Variants in EXOC4 observed in about 807,000 individuals in gnomAD.
EXOC4 encodes the protein SEC8-like 1.
In EXOC4, 71 loss-of-function variants were observed where a neutral mutation model predicts 107.2. The observed-to-expected ratio is 0.66, with a 90% CI of 0.55 to 0.81. The LOEUF (loss-of-function observed/expected upper bound fraction) is 0.81, where lower values mean the gene tolerates loss of function less well. Among genes scored for constraint, EXOC4 ranks in the 30% least tolerant of loss-of-function variants. The pLI, the probability that EXOC4 is intolerant of heterozygous loss-of-function variation, is 0.00. For synonymous variants in EXOC4, 456 were observed against 441.2 expected (o/e 1.03, Z -0.42); for missense variants, 1,108 against 1,189.6 (o/e 0.93, Z 1.01).
At chr7:133,256,180 A>AT (rs1795014322) in intron 1 of EXOC4, among the ~76,000 whole-genome samples, 1 of 151,952 alleles carries the variant, frequency 6.6e-6, no homozygotes, top group Non-Finnish European at 1.5e-5. Context: ...GCAGGGTTTC[A>AT]CCATGTTAGC....
chr7:133,836,639 T>C (rs574542066), intron 11 of EXOC4, among the ~76,000 whole-genome samples: 1 of 152,194 alleles, frequency 6.6e-6, no homozygotes, highest in Non-Finnish European at 1.5e-5. Context: ...TAACGCACAT[T>C]TCTCTCCTAA....
intron 14 of EXOC4, among the ~76,000 whole-genome samples, chr7:133,988,356 G>A (rs1410322887): frequency 1.3e-5 from 2 of 152,140 alleles, no homozygotes; most frequent in Admixed American, 6.5e-5. Context: ...GTTGTAAATG[G>A]CAAGTTGCTC....
intron 7 of EXOC4, among the ~76,000 whole-genome samples, chr7:133,387,519 A>G (rs1176771057): frequency 6.6e-6 from 1 of 152,162 alleles, no homozygotes. Context: ...TGACAAATGC[A>G]TTATTTCATC....
chr7:134,012,170 G>A (rs1328399509), intron 17 of EXOC4, among the ~76,000 whole-genome samples: 1 of 152,134 alleles, frequency 6.6e-6, no homozygotes, highest in Non-Finnish European at 1.5e-5. Context: ...CTATTAGAAG[G>A]TTTGGAGCAG....
Position 133,508,042 on chromosome 7 carries a change from CAA to C in EXOC4, c.1417+27905_1417+27906del, listed in dbSNP as rs558163001. ...GCCATTGCACTCTCAGCCTGGGCAA[CAA>C]GAGCAAAACTCCGTCTCAAAAAAAA... is the stretch of plus-strand genomic sequence containing the variant. On this transcript the variant is annotated intron_variant, in intron 9 of 17. Coordinates refer to ENST00000253861, the MANE Select transcript of EXOC4 (RefSeq NM_021807.4). 9.8e-4 allele frequency among the ~76,000 whole-genome samples: 148 copies of C among 151,422 alleles called. 1 individual carries two copies. The highest frequency in any genetic ancestry group is 2.1e-3 in the East Asian group (11 of 5,148).
chr7:133,882,492 A>G (rs1419482626), intron 11 of EXOC4, among the ~76,000 whole-genome samples: 1 of 152,192 alleles, frequency 6.6e-6, no homozygotes, highest in Non-Finnish European at 1.5e-5. Context: ...CTGGAATCTC[A>G]CAGACCACTG....
chr7:133,534,243 G>A (rs1217165328), intron 9 of EXOC4, among the ~76,000 whole-genome samples: 4 of 152,126 alleles, frequency 2.6e-5, no homozygotes, highest in African/African-American at 9.7e-5. Context: ...CATTTTAAAT[G>A]ATGTCACATT....
At chr7:133,545,778 T>G (rs1800468275) in intron 9 of EXOC4, among the ~76,000 whole-genome samples, 1 of 152,210 alleles carries the variant, frequency 6.6e-6, no homozygotes, top group Non-Finnish European at 1.5e-5. Context: ...GGTGCTAGTT[T>G]GACCCTATAT....
intron 10 of EXOC4, among the ~76,000 whole-genome samples, chr7:133,737,285 G>A (rs976017137): frequency 1.3e-5 from 2 of 152,066 alleles, no homozygotes; most frequent in Non-Finnish European, 2.9e-5. Context: ...GAAATTCTAG[G>A]CACTTGGTAA....
intron 10 of EXOC4, among the ~76,000 whole-genome samples, chr7:133,804,191 AAAG>A (rs1797016458): frequency 3.3e-5 from 5 of 152,194 alleles, no homozygotes; most frequent in African/African-American, 1.2e-4. Flanking sequence ...CTGTTCAGGC[AAAG>A]TGTAGATGTG....
At chr7:133,570,647 A>G (rs1801004283) in intron 9 of EXOC4, among the ~76,000 whole-genome samples, 1 of 152,208 alleles carries the variant, frequency 6.6e-6, no homozygotes, top group South Asian at 2.1e-4. Flanking sequence ...ACTGAAATAC[A>G]TAGAAGTTAA....
At chr7:133,797,486 A>G (rs1784313383) in intron 10 of EXOC4, among the ~76,000 whole-genome samples, 1 of 152,208 alleles carries the variant, frequency 6.6e-6, no homozygotes, top group African/African-American at 2.4e-5. Context: ...GCAGTGCTAC[A>G]TAACTACTTT....
At chr7:134,062,314 G>A (rs1796082529) in intron 17 of EXOC4, among the ~76,000 whole-genome samples, 1 of 152,200 alleles carries the variant, frequency 6.6e-6, no homozygotes, top group African/African-American at 2.4e-5. Flanking sequence ...AGCTAACCGT[G>A]TGAAAAGACA....
At chr7:133,861,519 A>G (rs1798532597) in intron 11 of EXOC4, among the ~76,000 whole-genome samples, 1 of 151,838 alleles carries the variant, frequency 6.6e-6, no homozygotes, top group Admixed American at 6.6e-5. Flanking sequence ...TCAGGAATCC[A>G]CTGTTTTTTT....
intron 11 of EXOC4, among the ~76,000 whole-genome samples, chr7:133,857,482 ATG>A (rs1225351526): frequency 1.3e-5 from 1 of 74,228 alleles, no homozygotes; most frequent in Non-Finnish European, 2.6e-5. Context: ...AGTTTCACTC[ATG>A]CCCGTTGGGC....
chr7:134,030,394 G>A (rs1186365244), intron 17 of EXOC4, among the ~76,000 whole-genome samples: 1 of 152,184 alleles, frequency 6.6e-6, no homozygotes, highest in African/African-American at 2.4e-5. Flanking sequence ...ATATTATGTG[G>A]CCATAGTGGA....
At chr7:133,778,651 TC>T (rs1405839937) in intron 10 of EXOC4, among the ~76,000 whole-genome samples, 1 of 152,210 alleles carries the variant, frequency 6.6e-6, no homozygotes, top group Non-Finnish European at 1.5e-5. Flanking sequence ...ACTGACTGTA[TC>T]CCACGATTAC....
intron 7 of EXOC4, among the ~76,000 whole-genome samples, chr7:133,464,905 G>A (rs769799143): frequency 8.8e-5 from 12 of 136,634 alleles, no homozygotes; most frequent in Non-Finnish European, 1.2e-4. Flanking sequence ...CTGTAGTCTC[G>A]AACTCCTGGG....
chr7:133,713,741 C>G (rs538566418), intron 10 of EXOC4, among the ~76,000 whole-genome samples: 1 of 152,160 alleles, frequency 6.6e-6, no homozygotes, highest in East Asian at 1.9e-4. Flanking sequence ...ATAAGGGGCT[C>G]TTTCCCCATC....
Sources: allele counts gnomAD v4.1 joint callset (sites outside exome capture counted in the v4.1 genomes callset), GRCh38; gene constraint gnomAD v4.1.1; transcripts MANE v1.5; gene names NCBI Gene and HGNC (gene_info 2026-07-23, HGNC 2026-07-21).